The following TRPM3 variants were observed in gnomAD, a reference collection of about 807,000 sequenced individuals.
The protein encoded by TRPM3 is long transient receptor potential channel 3.
Under a neutral mutation model 181.2 loss-of-function variants are expected in TRPM3, and 77 were observed. The observed-to-expected ratio is 0.42, with a 90% CI of 0.35 to 0.51. TRPM3 has a LOEUF of 0.51. TRPM3 is among the 20% of genes least tolerant of loss of function. TRPM3 has a pLI of 0.01. For synonymous variants in TRPM3, 745 were observed against 796.4 expected, an observed-to-expected ratio of 0.94 and a Z score of 1.09; for missense variants, 1,759 against 2,196.7, an observed-to-expected ratio of 0.80 and a Z score of 3.98.
Position 70,625,278 on chromosome 9 carries a change from G to A in TRPM3, c.1722C>T (p.Ile574=), listed in dbSNP as rs138856820. Reference sequence around the variant, plus strand: ...GATAAGCCCCGCCCATCAGGTACTCGATCACCAGGCCGATGTCAATCAGGC... The same window carrying A: ...GATAAGCCCCGCCCATCAGGTACTCAATCACCAGGCCGATGTCAATCAGGC... The part of the protein sequence containing the change: ...RISLIDIGLV[I]EYLMGGAYRC... Residue 574 remains isoleucine (I), a synonymous_variant, in exon 14 of 26, where the codon ATC becomes ATT. Coordinates refer to ENST00000677713, the MANE Select transcript of TRPM3 (RefSeq NM_001366145.2). This position sits in a 1 kb window ranked among gnomAD's most constrained non-coding sequence, Gnocchi z 4.8. 16 of 1,614,034 alleles carry A rather than the reference G, an allele frequency of 9.9e-6. No individual in the cohort carries two copies. The African/African-American group carries it at 1.9e-4, about 19-fold the overall frequency.
chr9:71,074,526 G>A (rs1260773451), intron 1 of TRPM3, among the ~76,000 whole-genome samples: 1 of 152,076 alleles, frequency 6.6e-6, no homozygotes, highest in Non-Finnish European at 1.5e-5. Context: ...GAGGTATTAG[G>A]CTGGTACAAA....
Position 71,150,398 on chromosome 9 carries a change from G to A in TRPM3, c.184-285887C>T, listed in dbSNP as rs1171888092. 5.3e-5 allele frequency among the ~76,000 whole-genome samples: 8 copies of A among 151,968 alleles called. No individual in the cohort carries two copies. In the South Asian group the frequency reaches 6.2e-4, roughly 12 times the overall value. On this transcript the variant is annotated intron_variant, in intron 1 of 24. Coordinates refer to the TRPM3 transcript ENST00000357533. ...GAGCAGAGTATATAAATATCTTAACGGGTAAAAATTAAATTAAGTGATTCC... is the reference window on the plus strand; with the variant it reads ...GAGCAGAGTATATAAATATCTTAACAGGTAAAAATTAAATTAAGTGATTCC...
intron 1 of TRPM3, among the ~76,000 whole-genome samples, chr9:70,936,291 A>AAACAAAAC (rs1174337880): frequency 6.6e-6 from 1 of 152,208 alleles, no homozygotes; most frequent in Non-Finnish European, 1.5e-5. Context: ...AGGATTTTTA[A>AAACAAAAC]AACAAAACAA....
chr9:70,953,169 T>G lies in TRPM3; in HGVS notation c.178-88658A>C, dbSNP rs530006933. 3.9e-5 allele frequency among the ~76,000 whole-genome samples: 6 copies of G among 152,336 alleles called. No homozygotes were observed. In the South Asian group the frequency reaches 1.2e-3, roughly 32 times the overall value. ...GACATATCTCAAATCTTCTCTTTTC[T>G]TTCCCCATAGTGGAGAGTTTTGCCT... On this transcript the variant is annotated intron_variant, in intron 1 of 25. Coordinates refer to ENST00000677713, the MANE Select transcript of TRPM3 (RefSeq NM_001366145.2).
At chr9:70,888,070 C>T (rs977041262) in intron 1 of TRPM3, among the ~76,000 whole-genome samples, 1 of 152,184 alleles carries the variant, frequency 6.6e-6, no homozygotes, top group African/African-American at 2.4e-5. Flanking sequence ...CAAAGCTCTA[C>T]AGATTGCCAT....
rs570192711 is a variant in TRPM3, at chr9:71,011,785, T to G, written c.177+109393A>C. Among the ~76,000 whole-genome samples the G allele has an allele frequency of 2.5e-3, 336 of 134,204 alleles. 7 individuals are homozygous for G. The highest frequency in any genetic ancestry group is 9.0e-3 in the African/African-American group (308 of 34,406). 88.0% of individuals were successfully genotyped at this position (134,204 alleles called of 152,430 possible). ...TTCATCCATGGTTTTTTTTTTTGTT[T>G]TTTTGTTTTTTTTCAGACAGTATCT... On this transcript the variant is annotated intron_variant, in intron 1 of 25. Coordinates refer to ENST00000677713, the MANE Select transcript of TRPM3 (RefSeq NM_001366145.2).
At position 70,590,170 on chromosome 9, in the gene TRPM3, T is replaced by A. The variant is rs570233157; in HGVS notation, c.3223+861A>T. On this transcript the variant is annotated intron_variant, in intron 22 of 25. Transcript: ENST00000677713. The stretch of plus-strand genomic sequence containing the variant: ...CTCCTGGGATTCAACTCCTCCACAC[T>A]GAAAGATGTTTCTTTAATGATGCTT... Among the ~76,000 whole-genome samples, 86 of 152,358 alleles carry A rather than the reference T, an allele frequency of 5.6e-4. 2 individuals are homozygous for A. The highest frequency in any genetic ancestry group is 2.0e-3 in the African/African-American group (82 of 41,588).
intron 1 of TRPM3, among the ~76,000 whole-genome samples, chr9:70,915,147 C>T (rs1448483391): frequency 6.6e-6 from 1 of 152,074 alleles, no homozygotes; most frequent in African/African-American, 2.4e-5. Context: ...ACCTTACAGA[C>T]AAATAATTCA....
At chr9:71,337,882 T>C (rs2090671317) in intron 1 of TRPM3, among the ~76,000 whole-genome samples, 1 of 151,954 alleles carries the variant, frequency 6.6e-6, no homozygotes. Flanking sequence ...AGTTGAACAA[T>C]GAGAACACTT....
At chr9:70,851,899 C>A (rs35976297) in intron 3 of TRPM3, among the ~76,000 whole-genome samples, 14,006 of 151,940 alleles carry the variant, frequency 0.092, 1,009 homozygotes, top group African/African-American at 0.2. Flanking sequence ...AGGTGGATTA[C>A]CTGAGGTCAG....
intron 22 of TRPM3, among the ~76,000 whole-genome samples, chr9:70,558,903 C>A (rs2048380147): frequency 6.6e-6 from 1 of 152,136 alleles, no homozygotes; most frequent in Non-Finnish European, 1.5e-5. Context: ...CCTGGAAATG[C>A]TATTTGTGTT....
chr9:71,322,833 A>T (rs554404773), intron 1 of TRPM3, among the ~76,000 whole-genome samples: 1 of 152,244 alleles, frequency 6.6e-6, no homozygotes, highest in South Asian at 2.1e-4. Context: ...AATTGTGTTT[A>T]GTTTTTTTAA....
At chr9:70,943,539 TTA>T (rs2096905213) in intron 1 of TRPM3, among the ~76,000 whole-genome samples, 1 of 152,208 alleles carries the variant, frequency 6.6e-6, no homozygotes, top group South Asian at 2.1e-4. Flanking sequence ...GAAATAATTT[TTA>T]TTGACTATGT....
chr9:70,745,133 TG>T (rs1177398382), intron 8 of TRPM3, among the ~76,000 whole-genome samples: 1 of 152,190 alleles, frequency 6.6e-6, no homozygotes, highest in Non-Finnish European at 1.5e-5. Context: ...GAGTGCTTAT[TG>T]TTTTTTGCAT....
At chr9:70,798,191 A>T (rs777070112) in intron 6 of TRPM3, among the ~76,000 whole-genome samples, 39 of 152,252 alleles carry the variant, frequency 2.6e-4, no homozygotes, top group Non-Finnish European at 5.3e-4. Flanking sequence ...AGTAGCTGAG[A>T]CCACAGGCAG....
chr9:71,213,263 G>T (rs114380638), intron 1 of TRPM3, among the ~76,000 whole-genome samples: 1 of 151,882 alleles, frequency 6.6e-6, no homozygotes, highest in African/African-American at 2.4e-5. Flanking sequence ...TCATTTTCAT[G>T]TGTTATTAAA....
intron 7 of TRPM3, among the ~76,000 whole-genome samples, chr9:70,765,313 G>C (rs1347266865): frequency 6.6e-6 from 1 of 152,166 alleles, no homozygotes; most frequent in East Asian, 1.9e-4. Flanking sequence ...TTTGCGGGCC[G>C]GGTTTGGTGG....
chr9:71,093,221 C>G (rs1168690585), intron 1 of TRPM3, among the ~76,000 whole-genome samples: 1 of 151,956 alleles, frequency 6.6e-6, no homozygotes, highest in Non-Finnish European at 1.5e-5. Flanking sequence ...CAACAGAAGC[C>G]AAAATTACAA....
At position 71,366,161 on chromosome 9, in the gene TRPM3, C is replaced by T. The variant is rs570229238; in HGVS notation, c.183+80492G>A. On this transcript the variant is annotated intron_variant, in intron 1 of 24. Coordinates refer to the TRPM3 transcript ENST00000357533. ...CACTCCAAAATAGTACAAGAGGTAA[C>T]TTAAAAATTTGAGTTCATTTCTTTT... is the stretch of plus-strand genomic sequence containing the variant. Among the ~76,000 whole-genome samples the T allele has an allele frequency of 4.6e-5, 7 of 152,216 alleles. No individual in the cohort carries two copies. In the South Asian group the frequency reaches 1.5e-3, roughly 32 times the overall value.
Sources: allele counts gnomAD v4.1 joint callset (sites outside exome capture counted in the v4.1 genomes callset), GRCh38; gene constraint gnomAD v4.1.1; non-coding constraint Gnocchi (gnomAD v3.1); transcripts MANE v1.5; gene names NCBI Gene and HGNC (gene_info 2026-07-23, HGNC 2026-07-21).